Variants in FUT8 observed in about 807,000 individuals in gnomAD.
FUT8 encodes the protein fucosyltransferase 8.
Under a neutral mutation model 71.3 loss-of-function variants are expected in FUT8, and 29 were observed. That is an observed-to-expected ratio of 0.41 (90% CI 0.30 to 0.55). The LOEUF is 0.55. Ranked by LOEUF, FUT8 falls within the 20% of genes least tolerant of loss-of-function variation. FUT8 has a pLI of 0.34. For missense variants in FUT8, 544 were observed against 702.1 expected (o/e 0.77, Z 2.55); for synonymous variants, 254 against 239.3 (o/e 1.06, Z -0.57).
At chr14:65,620,423 A>G (rs1029223406) in intron 5 of FUT8, among the ~76,000 whole-genome samples, 2 of 152,220 alleles carry the variant, frequency 1.3e-5, no homozygotes, top group Non-Finnish European at 2.9e-5. Context: ...TGATTTGCTA[A>G]TGTACAAAAA....
intron 6 of FUT8, among the ~76,000 whole-genome samples, chr14:65,635,583 T>C (rs1306781121): frequency 6.6e-6 from 1 of 152,240 alleles, no homozygotes; most frequent in African/African-American, 2.4e-5. Flanking sequence ...CTGCATCTAT[T>C]GAAATGGTCA....
At chr14:65,523,410 T>C (rs971204896) in intron 2 of FUT8, among the ~76,000 whole-genome samples, 1 of 144,232 alleles carries the variant, frequency 6.9e-6, no homozygotes, top group African/African-American at 2.4e-5. Context: ...CGCCCATTTT[T>C]TGATGAGGTT....
chr14:65,508,741 A>G (rs1219665933), intron 2 of FUT8, among the ~76,000 whole-genome samples: 2 of 151,696 alleles, frequency 1.3e-5, no homozygotes, highest in African/African-American at 4.8e-5. Context: ...ACCTCAGGTA[A>G]TCCACCCGCT....
At chr14:65,623,575 C>G (rs1447488435) in intron 5 of FUT8, among the ~76,000 whole-genome samples, 1 of 151,988 alleles carries the variant, frequency 6.6e-6, no homozygotes, top group Non-Finnish European at 1.5e-5. Context: ...AAAAGCTCGT[C>G]AGGCATGTAG....
intron 3 of FUT8, among the ~76,000 whole-genome samples, chr14:65,566,421 C>G (rs780333331): frequency 6.6e-6 from 1 of 151,950 alleles, no homozygotes; most frequent in African/African-American, 2.4e-5. Context: ...GTTCTCACCA[C>G]AGAAGGGAAG....
chr14:65,561,756 G>A lies in FUT8; in HGVS notation c.193G>A (p.Glu65Lys). ...GAATGAAGACTTGAGGCGAATGGCC[G>A]AATCTCTCCGGTAGGTCCTAAAATA... is the stretch of plus-strand genomic sequence containing the variant. Reference protein sequence around the residue: ...QQNEDLRRMAESLRIPEGPID... With the variant: ...QQNEDLRRMAKSLRIPEGPID... The change falls in exon 3 of 11, where the codon GAA becomes AAA. Residue 65 changes from glutamate to lysine, a missense_variant. By Grantham distance (56) the Glu-to-Lys change is moderately conservative. Coordinates refer to ENST00000673929, the MANE Select transcript of FUT8 (RefSeq NM_001371533.1). 2.5e-6 allele frequency: 4 copies of A among 1,612,408 alleles called. No homozygotes were observed. The highest frequency in any genetic ancestry group is 2.2e-5 in the East Asian group (1 of 44,832).
intron 1 of FUT8, among the ~76,000 whole-genome samples, chr14:65,421,739 A>ACCCCG (rs1555359424): frequency 3.8e-5 from 2 of 51,974 alleles, no homozygotes; most frequent in South Asian, 9.2e-4. Context: ...CCTTTAACCC[A>ACCCCG]CCCCCCCCTT....
chr14:65,643,665 T>TACACACACACACACACACACACAC lies in FUT8; in HGVS notation c.597+14086_597+14109dup, dbSNP rs60967671. On this transcript the variant is annotated intron_variant, in intron 6 of 10. Coordinates refer to ENST00000673929, the MANE Select transcript of FUT8 (RefSeq NM_001371533.1). The surrounding 1 kb of genome is among the most constrained non-coding windows in gnomAD (Gnocchi z 4.5). ...CGAGACTCCGTCTTTAAAAAAAAAA[T>TACACACACACACACACACACACAC]ACACACACACACACACACACACACA... Among the ~76,000 whole-genome samples, 8 of 124,712 alleles carry TACACACACACACACACACACACAC rather than the reference T, an allele frequency of 6.4e-5. No individual in the cohort carries two copies. The highest frequency in any genetic ancestry group is 1.3e-4 in the African/African-American group (4 of 31,198). 81.8% of individuals were successfully genotyped at this position (124,712 alleles called of 152,430 possible).
At chr14:65,412,169 C>T (rs896904482), upstream of FUT8, 1 of 456,624 alleles carries the variant, frequency 2.2e-6, no homozygotes, top group African/African-American at 2.0e-5. Context: ...GGAAACAGCT[C>T]TTACAAGATA....
chr14:65,653,393 T>C (rs1373502416), intron 6 of FUT8, among the ~76,000 whole-genome samples: 4 of 152,222 alleles, frequency 2.6e-5, no homozygotes, highest in South Asian at 2.1e-4. Context: ...TTATTAACTT[T>C]AGTATCTCTG....
chr14:65,605,369 C>G (rs749664863), intron 3 of FUT8, among the ~76,000 whole-genome samples: 15 of 151,856 alleles, frequency 9.9e-5, no homozygotes, highest in Non-Finnish European at 1.3e-4. Flanking sequence ...TGTTGAAGCC[C>G]TAAACCCCAG....
intron 1 of FUT8, among the ~76,000 whole-genome samples, chr14:65,451,404 C>T (rs914079438): frequency 5.3e-5 from 8 of 152,236 alleles, no homozygotes; most frequent in Admixed American, 6.5e-5. Context: ...TGTCCAGGAG[C>T]GGGTGCCTGC....
chr14:65,703,019 A>G (rs1894386350), intron 7 of FUT8, among the ~76,000 whole-genome samples: 1 of 152,252 alleles, frequency 6.6e-6, no homozygotes, highest in Non-Finnish European at 1.5e-5. Flanking sequence ...TGCTGGGATT[A>G]CAGACGTTAG....
chr14:65,434,339 G>A (rs547348761), intron 1 of FUT8, among the ~76,000 whole-genome samples: 23 of 152,274 alleles, frequency 1.5e-4, no homozygotes, highest in African/African-American at 4.8e-4. Context: ...TCATGGCAAG[G>A]ATGCATGGCC....
chr14:65,430,819 C>G (rs2065461378), intron 1 of FUT8, among the ~76,000 whole-genome samples: 1 of 151,986 alleles, frequency 6.6e-6, no homozygotes, highest in Non-Finnish European at 1.5e-5. Context: ...ATAGAAAGCT[C>G]TCTTTAAAAA....
chr14:65,424,164 A>G lies in FUT8; in HGVS notation c.-326+10950A>G, dbSNP rs190877324. On this transcript the variant is annotated intron_variant, in intron 1 of 10. Transcript: ENST00000673929. ...AGATCACTTTTTACTGGAATATACA[A>G]TTTATTGGAAAGATGAACTGCTTGC... 2.2e-3 allele frequency among the ~76,000 whole-genome samples: 334 copies of G among 152,348 alleles called. 2 individuals are homozygous for G. The highest frequency in any genetic ancestry group is 3.4e-3 in the Middle Eastern group (1 of 294).
At chr14:65,642,995 T>A (rs981973715) in intron 6 of FUT8, among the ~76,000 whole-genome samples, 4 of 152,186 alleles carry the variant, frequency 2.6e-5, no homozygotes, top group Non-Finnish European at 5.9e-5. Flanking sequence ...GTAGTCTCTT[T>A]GAGTCATTAA....
At chr14:65,390,472 T>A in the FUT8 span, among the ~76,000 whole-genome samples, 2 of 151,952 alleles carry the variant, frequency 1.3e-5, no homozygotes, top group East Asian at 3.8e-4. Flanking sequence ...TACATAACTT[T>A]TGAATTTTTT....
At chr14:65,427,810 A>G (rs2065412832) in intron 1 of FUT8, among the ~76,000 whole-genome samples, 1 of 152,184 alleles carries the variant, frequency 6.6e-6, no homozygotes, top group African/African-American at 2.4e-5. Context: ...CAAAAAACCC[A>G]TTCTTGTCCA....
Sources: allele counts gnomAD v4.1 joint callset (sites outside exome capture counted in the v4.1 genomes callset), GRCh38; gene constraint gnomAD v4.1.1; non-coding constraint Gnocchi (gnomAD v3.1); transcripts MANE v1.5; gene names NCBI Gene and HGNC (gene_info 2026-07-23, HGNC 2026-07-21).